Variants in CPXM2 observed in about 807,000 individuals in gnomAD.
The protein encoded by CPXM2 is inactive carboxypeptidase-like protein X2.
In CPXM2, 66 loss-of-function variants were observed where a neutral mutation model predicts 86.1. The observed-to-expected ratio is 0.77, with a 90% CI of 0.63 to 0.94. The LOEUF (loss-of-function observed/expected upper bound fraction) is 0.94. CPXM2 is among the 40% of genes least tolerant of loss of function. The pLI is 0.00. For missense variants in CPXM2, 948 were observed against 1,026.3 expected (o/e 0.92, Z 1.04); for synonymous variants, 388 against 400.2 (o/e 0.97, Z 0.36).
intron 6 of CPXM2, among the ~76,000 whole-genome samples, chr10:123,781,240 G>A (rs893365824): frequency 1.3e-5 from 2 of 152,188 alleles, no homozygotes; most frequent in Non-Finnish European, 2.9e-5. Flanking sequence ...ACTGGGATTC[G>A]GGGGGTCAGG....
At chr10:123,786,424 C>T (rs539691407) in intron 6 of CPXM2, among the ~76,000 whole-genome samples, 3 of 152,184 alleles carry the variant, frequency 2.0e-5, no homozygotes, top group Non-Finnish European at 2.9e-5. Context: ...CCCTGAAACA[C>T]GAGGCCTAAG....
intron 13 of CPXM2, among the ~76,000 whole-genome samples, chr10:123,747,621 C>T (rs1281200745): frequency 1.3e-5 from 2 of 152,134 alleles, no homozygotes; most frequent in Admixed American, 6.5e-5. Context: ...CACATGAGAC[C>T]CATGCTGGAG....
chr10:123,935,437 C>A (rs952729597), intron 2 of CPXM2, among the ~76,000 whole-genome samples: 1 of 152,214 alleles, frequency 6.6e-6, no homozygotes, highest in African/African-American at 2.4e-5. Flanking sequence ...AGCTTAGCAT[C>A]TGTCTCATGA....
intron 2 of CPXM2, among the ~76,000 whole-genome samples, chr10:123,916,519 T>A (rs988941278): frequency 1.3e-5 from 2 of 152,200 alleles, no homozygotes; most frequent in Admixed American, 1.3e-4. Context: ...ACCAGTCGTC[T>A]CTGACTGCAT....
At chr10:123,871,828 C>T (rs1031725932) in intron 2 of CPXM2, among the ~76,000 whole-genome samples, 2 of 152,134 alleles carry the variant, frequency 1.3e-5, no homozygotes, top group African/African-American at 4.8e-5. Context: ...ATACAGGACT[C>T]ATATTCATCG....
chr10:123,757,276 A>T lies in CPXM2; in HGVS notation c.1854T>A (p.His618Gln), dbSNP rs767315657. ...SIYVGCDKYP[H>Q]ESQLPEEWEN... is the part of the protein sequence containing the mutation. ...CCCACTCCTCGGGCAGCTGGCTCTC[A>T]TGTGGGTATTTATCACAGCCCACGT... The change falls in exon 12 of 14, where the codon CAT becomes CAA. Residue 618 changes from histidine to glutamine, a missense_variant. His to Gln is a conservative substitution (Grantham distance 24). Transcript: ENST00000241305. 1 of 1,613,790 alleles carries T rather than the reference A, an allele frequency of 6.2e-7. No individual in the cohort carries two copies. The highest frequency in any genetic ancestry group is 1.1e-5 in the South Asian group (1 of 91,060).
At chr10:123,815,671 T>C (rs1193087981) in intron 4 of CPXM2, among the ~76,000 whole-genome samples, 1 of 152,088 alleles carries the variant, frequency 6.6e-6, no homozygotes, top group African/African-American at 2.4e-5. Context: ...CCAGGCAAGG[T>C]GATGTTGATT....
Position 123,786,573 on chromosome 10 carries a change from T to C in CPXM2, c.890-6318A>G, listed in dbSNP as rs574736026. ...AATAAAATTCTAAGCCCCCAACTGA[T>C]GGAATGGAACACCTCTTGGCCAAGA... On this transcript the variant is annotated intron_variant, in intron 6 of 13. Transcript: ENST00000241305. Among the ~76,000 whole-genome samples the C allele has an allele frequency of 2.6e-5, 4 of 152,284 alleles. No individual in the cohort carries two copies. In the East Asian group the frequency reaches 7.7e-4, roughly 29 times the overall value.
chr10:123,834,188 G>A (rs956193154), intron 4 of CPXM2, among the ~76,000 whole-genome samples: 1 of 152,192 alleles, frequency 6.6e-6, no homozygotes, highest in African/African-American at 2.4e-5. Flanking sequence ...GAGCGGAGCT[G>A]CATCCCCACA....
chr10:123,898,956 C>T (rs563989605), intron 2 of CPXM2, among the ~76,000 whole-genome samples: 30 of 152,260 alleles, frequency 2.0e-4, no homozygotes, highest in Admixed American at 1.7e-3. Context: ...CACCACGTTG[C>T]CCAGGCTGGT....
At chr10:123,824,376 T>A (rs1848000279) in intron 4 of CPXM2, among the ~76,000 whole-genome samples, 1 of 152,162 alleles carries the variant, frequency 6.6e-6, no homozygotes. Flanking sequence ...AAATATTTCA[T>A]CTGTCAAAAA....
chr10:123,774,090 C>A (rs1024564949), intron 7 of CPXM2, among the ~76,000 whole-genome samples: 2 of 152,164 alleles, frequency 1.3e-5, no homozygotes, highest in African/African-American at 2.4e-5. Flanking sequence ...CCTGACCATG[C>A]AGTAAGGGCC....
At chr10:123,853,827 C>G (rs1403858157) in intron 3 of CPXM2, among the ~76,000 whole-genome samples, 1 of 152,076 alleles carries the variant, frequency 6.6e-6, no homozygotes, top group South Asian at 2.1e-4. Flanking sequence ...ATCACTTGAA[C>G]CCGGGAGGTG....
chr10:123,776,267 A>G (rs2134019484), intron 7 of CPXM2, among the ~76,000 whole-genome samples: 1 of 152,334 alleles, frequency 6.6e-6, no homozygotes, highest in Non-Finnish European at 1.5e-5. Context: ...GTAGTAATGA[A>G]AAAGAATGTT....
At chr10:123,888,999 G>GGCCT (rs1945223314) in intron 1 of CPXM2, among the ~76,000 whole-genome samples, 1 of 152,216 alleles carries the variant, frequency 6.6e-6, no homozygotes, top group African/African-American at 2.4e-5. Flanking sequence ...GCTCCCCCAT[G>GGCCT]GCCTGTCTCT....
At chr10:123,756,070 G>A (rs983090258) in intron 12 of CPXM2, among the ~76,000 whole-genome samples, 1 of 152,148 alleles carries the variant, frequency 6.6e-6, no homozygotes, top group Non-Finnish European at 1.5e-5. Context: ...CTAAATCCTG[G>A]TGCCAACCTC....
At chr10:123,806,368 G>A (rs1396508635) in intron 4 of CPXM2, among the ~76,000 whole-genome samples, 3 of 152,232 alleles carry the variant, frequency 2.0e-5, no homozygotes, top group South Asian at 2.1e-4. Flanking sequence ...TTGAGTAAAC[G>A]TGCAATAAGA....
chr10:123,783,828 C>T (rs1846989706), intron 6 of CPXM2, among the ~76,000 whole-genome samples: 2 of 152,148 alleles, frequency 1.3e-5, no homozygotes, highest in African/African-American at 4.8e-5. Flanking sequence ...AGCTTTGATC[C>T]CTTCCTGTGG....
At chr10:123,906,024 G>A (rs1022155438) in intron 2 of CPXM2, among the ~76,000 whole-genome samples, 2 of 152,188 alleles carry the variant, frequency 1.3e-5, no homozygotes, top group Non-Finnish European at 2.9e-5. Flanking sequence ...CCCAGGTACT[G>A]AAGTGGGGGC....
Sources: gnomAD v4.1 joint callset for allele counts (sites outside exome capture counted in the v4.1 genomes callset) on GRCh38, gnomAD v4.1.1 for gene constraint, MANE v1.5 for transcripts, NCBI Gene and HGNC (gene_info 2026-07-23, HGNC 2026-07-21) for gene names.